Variants in UNC5D observed in about 807,000 individuals in gnomAD.
UNC5D encodes the protein netrin receptor UNC5D.
Under a neutral mutation model 105.4 loss-of-function variants are expected in UNC5D, and 39 were observed. The observed-to-expected ratio is 0.37, with a 90% CI of 0.29 to 0.48. UNC5D has a LOEUF of 0.48. Ranked by LOEUF, UNC5D falls within the 20% of genes least tolerant of loss-of-function variation. The probability of loss-of-function intolerance (pLI) is 0.98; values close to 1 mark genes in which losing one functional copy is unlikely to be tolerated. For missense variants in UNC5D, 991 were observed against 1,202.4 expected, an observed-to-expected ratio of 0.82 and a Z score of 2.60; for synonymous variants, 452 against 450.4, an observed-to-expected ratio of 1.00 and a Z score of -0.04.
At chr8:35,396,989 C>T (rs1804146834) in intron 1 of UNC5D, among the ~76,000 whole-genome samples, 1 of 152,066 alleles carries the variant, frequency 6.6e-6, no homozygotes, top group Non-Finnish European at 1.5e-5. Context: ...TCATTGCAAC[C>T]TCTGCCTTCC....
intron 1 of UNC5D, among the ~76,000 whole-genome samples, chr8:35,324,688 A>G (rs1026896549): frequency 2.0e-5 from 3 of 152,210 alleles, no homozygotes; most frequent in African/African-American, 7.2e-5. Context: ...TGAGATGACC[A>G]TGTTGCTAAA....
intron 4 of UNC5D, among the ~76,000 whole-genome samples, chr8:35,656,785 G>A (rs1823764789): frequency 6.6e-6 from 1 of 151,950 alleles, no homozygotes. Context: ...GGGAGCTTTA[G>A]CAGCACAGTT....
intron 1 of UNC5D, among the ~76,000 whole-genome samples, chr8:35,481,488 T>C (rs16883998): frequency 0.039 from 6,013 of 152,264 alleles, 433 homozygotes; most frequent in African/African-American, 0.14. Flanking sequence ...AACAGACTTG[T>C]ACCAGGTCTT....
chr8:35,499,354 C>T (rs1811824847), intron 1 of UNC5D, among the ~76,000 whole-genome samples: 1 of 152,164 alleles, frequency 6.6e-6, no homozygotes, highest in African/African-American at 2.4e-5. Flanking sequence ...TGAGTATTAG[C>T]CTTGCTATCA....
At chr8:35,327,764 C>T (rs2128891542) in intron 1 of UNC5D, among the ~76,000 whole-genome samples, 1 of 152,264 alleles carries the variant, frequency 6.6e-6, no homozygotes, top group East Asian at 1.9e-4. Flanking sequence ...AGGTGACAGC[C>T]TGAGTTAAAG....
At chr8:35,337,632 C>T (rs1270229202) in intron 1 of UNC5D, among the ~76,000 whole-genome samples, 2 of 152,088 alleles carry the variant, frequency 1.3e-5, no homozygotes, top group Non-Finnish European at 2.9e-5. Flanking sequence ...TTGAATTTTG[C>T]TCTTTTCAGT....
chr8:35,516,675 C>T (rs1470282905), intron 1 of UNC5D, among the ~76,000 whole-genome samples: 1 of 152,166 alleles, frequency 6.6e-6, no homozygotes, highest in East Asian at 1.9e-4. Flanking sequence ...CCCAGATCTC[C>T]CCCTTCAACC....
chr8:35,467,401 CAGCTTGAAAGCAGAAATTA>C (rs1404144297), intron 1 of UNC5D, among the ~76,000 whole-genome samples: 1 of 151,992 alleles, frequency 6.6e-6, no homozygotes, highest in Admixed American at 6.6e-5. Flanking sequence ...AGTGGATTGA[CAGCTTGAAAGCAGAAATTA>C]AGCTATGAAG....
chr8:35,258,199 C>CA (rs1436563988), intron 1 of UNC5D, among the ~76,000 whole-genome samples: 2 of 151,730 alleles, frequency 1.3e-5, no homozygotes, highest in Admixed American at 1.3e-4. Flanking sequence ...GGTGGAAGGG[C>CA]AAAAAAAGGG....
chr8:35,656,638 GGCT>G (rs1823757670), intron 4 of UNC5D, among the ~76,000 whole-genome samples: 1 of 151,942 alleles, frequency 6.6e-6, no homozygotes, highest in Admixed American at 6.6e-5. Flanking sequence ...CTCTTTGAGG[GGCT>G]GCACCTGTTA....
At chr8:35,413,140 A>G (rs1024721977) in intron 1 of UNC5D, among the ~76,000 whole-genome samples, 2 of 152,070 alleles carry the variant, frequency 1.3e-5, no homozygotes, top group African/African-American at 4.8e-5. Context: ...AGGGGCAACC[A>G]TGAATTTCAC....
At chr8:35,356,197 T>G (rs942010463) in intron 1 of UNC5D, among the ~76,000 whole-genome samples, 4 of 152,116 alleles carry the variant, frequency 2.6e-5, no homozygotes, top group African/African-American at 9.7e-5. Context: ...TTGCCTATTT[T>G]CCCCACAACC....
At chr8:35,317,763 CATTATATA>C (rs2128882747) in intron 1 of UNC5D, among the ~76,000 whole-genome samples, 1 of 152,106 alleles carries the variant, frequency 6.6e-6, no homozygotes, top group Non-Finnish European at 1.5e-5. Context: ...ATATAATTAA[CATTATATA>C]ATTATATAAT....
intron 16 of UNC5D, among the ~76,000 whole-genome samples, chr8:35,775,768 G>T (rs6468338): frequency 0.3 from 46,034 of 151,998 alleles, 11,883 homozygotes; most frequent in African/African-American, 0.71. Flanking sequence ...GCTCTCAGTT[G>T]CAAAAGGGAT....
intron 1 of UNC5D, among the ~76,000 whole-genome samples, chr8:35,548,387 G>A (rs1421531892): frequency 1.3e-5 from 2 of 152,120 alleles, no homozygotes; most frequent in Non-Finnish European, 2.9e-5. Flanking sequence ...CCTTTCGAGG[G>A]TACAAGATGC....
At chr8:35,333,004 T>A (rs530506807) in intron 1 of UNC5D, among the ~76,000 whole-genome samples, 4 of 152,160 alleles carry the variant, frequency 2.6e-5, no homozygotes, top group Non-Finnish European at 1.5e-5. Context: ...TCTGCCCTTA[T>A]GAATAAGCTG....
chr8:35,667,774 A>G (rs1824525505), intron 4 of UNC5D, among the ~76,000 whole-genome samples: 1 of 152,192 alleles, frequency 6.6e-6, no homozygotes, highest in African/African-American at 2.4e-5. Flanking sequence ...TTCCAATTCT[A>G]TTACGATAGA....
chr8:35,615,035 G>GCACCCCC (rs1394702258), intron 4 of UNC5D, among the ~76,000 whole-genome samples: 1 of 53,820 alleles, frequency 1.9e-5, no homozygotes, highest in Non-Finnish European at 3.0e-5. Flanking sequence ...CATAGTGAGG[G>GCACCCCC]GCCCCCCCCC....
At position 35,467,589 on chromosome 8, in the gene UNC5D, A is replaced by G. The variant is rs4991734; in HGVS notation, c.104-81703A>G. The stretch of plus-strand genomic sequence containing the variant: ...ATGACAGGCAAAAAAAAAAAAAAAA[A>G]AAGAAGAAAAAATCAGACTTGTTTG... On this transcript the variant is annotated intron_variant, in intron 1 of 16. Transcript: ENST00000404895. Among the ~76,000 whole-genome samples the G allele has an allele frequency of 7.6e-4, 96 of 126,198 alleles. 2 individuals are homozygous for G. Among genetic ancestry groups the G allele is most frequent in the Middle Eastern group, 4.3e-3 (1 of 230 alleles). 82.8% of individuals were successfully genotyped at this position (126,198 alleles called of 152,430 possible).
Sources: allele counts gnomAD v4.1 joint callset (sites outside exome capture counted in the v4.1 genomes callset), GRCh38; gene constraint gnomAD v4.1.1; transcripts MANE v1.5; gene names NCBI Gene and HGNC (gene_info 2026-07-23, HGNC 2026-07-21).